Variants in EPM2A observed in about 807,000 individuals in gnomAD.
EPM2A encodes laforin.
Under a neutral mutation model 26.5 loss-of-function variants are expected in EPM2A, and 21 were observed. That is an observed-to-expected ratio of 0.79 (90% confidence interval 0.56 to 1.14). The LOEUF is 1.14. Among genes scored for constraint, EPM2A ranks in the 50% most tolerant of loss-of-function variants. The pLI, the probability that EPM2A is intolerant of heterozygous loss-of-function variation, is 0.00. For synonymous variants in EPM2A, 217 were observed against 177.6 expected (o/e 1.22, Z -1.76); for missense variants, 458 against 440.8 (o/e 1.04, Z -0.35).
At chr6:145,456,206 C>T (rs1779260224) in intron 4 of EPM2A, among the ~76,000 whole-genome samples, 1 of 152,040 alleles carries the variant, frequency 6.6e-6, no homozygotes, top group Admixed American at 6.5e-5. Flanking sequence ...TAGTAATGAC[C>T]TACTTATTGC....
chr6:145,413,565 C>T (rs1246017339), intron 4 of EPM2A, among the ~76,000 whole-genome samples: 3 of 152,134 alleles, frequency 2.0e-5, no homozygotes, highest in Non-Finnish European at 4.4e-5. Flanking sequence ...CCACCAAGAG[C>T]CCCTTCAGCA....
chr6:145,399,192 G>A (rs1411345408), intron 4 of EPM2A, among the ~76,000 whole-genome samples: 2 of 152,114 alleles, frequency 1.3e-5, no homozygotes, highest in Admixed American at 6.6e-5. Flanking sequence ...GTGACTCATG[G>A]TTTAATTTAG....
At chr6:145,718,546 G>A (rs2128636704) in intron 1 of EPM2A, among the ~76,000 whole-genome samples, 1 of 152,210 alleles carries the variant, frequency 6.6e-6, no homozygotes, top group South Asian at 2.1e-4. Context: ...TACCATTCAG[G>A]ACATAGGCAT....
At chr6:145,537,628 A>G (rs911102868) in intron 2 of EPM2A, among the ~76,000 whole-genome samples, 2 of 146,552 alleles carry the variant, frequency 1.4e-5, no homozygotes, top group African/African-American at 5.1e-5. Flanking sequence ...ATACATGTGT[A>G]GAATGTGCAT....
intron 2 of EPM2A, among the ~76,000 whole-genome samples, chr6:145,580,267 C>T (rs998330307): frequency 6.6e-6 from 1 of 151,964 alleles, no homozygotes; most frequent in Non-Finnish European, 1.5e-5. Context: ...TTTTCTTTTA[C>T]ACAAAACAAG....
At chr6:145,530,933 T>G (rs1325724252) in intron 2 of EPM2A, among the ~76,000 whole-genome samples, 1 of 152,144 alleles carries the variant, frequency 6.6e-6, no homozygotes, top group Non-Finnish European at 1.5e-5. Context: ...AGCTTGCTCT[T>G]GTAGCTCCTC....
intron 2 of EPM2A, among the ~76,000 whole-genome samples, chr6:145,602,077 A>C (rs1477441347): frequency 1.3e-5 from 2 of 152,084 alleles, no homozygotes; most frequent in East Asian, 3.9e-4. Flanking sequence ...CTTCATGGGA[A>C]TATATTATTT....
In EPM2A at chr6:145,627,118, A is replaced by C. The variant is rs1775866036; in HGVS notation, c.*298T>G. 1.5e-6 allele frequency: 2 copies of C among 1,304,046 alleles called. No individual in the cohort carries two copies. The highest frequency in any genetic ancestry group is 3.3e-5 in the Admixed American group (1 of 30,674). The allele number at this position is 1,304,046 out of a possible 1,614,324, so 80.8% of individuals were successfully genotyped here. Reference sequence around the variant, plus strand: ...GCAACACATACAGTGCTGTAAAGCAAAGGCCTCGTCTGCCTGCAGGCAGCA... The same window carrying C: ...GCAACACATACAGTGCTGTAAAGCACAGGCCTCGTCTGCCTGCAGGCAGCA... On this transcript the variant is annotated 3_prime_UTR_variant, in exon 4 of 4. Coordinates refer to ENST00000367519, the MANE Select transcript of EPM2A (RefSeq NM_005670.4).
intron 2 of EPM2A, among the ~76,000 whole-genome samples, chr6:145,548,682 C>A (rs528120424): frequency 6.6e-6 from 1 of 152,220 alleles, no homozygotes; most frequent in African/African-American, 2.4e-5. Context: ...CTCCTAAAAG[C>A]CTCTACCCTG....
In EPM2A at chr6:145,695,101, A is replaced by C. The variant is rs563986766; in HGVS notation, c.302-8805T>G. The stretch of plus-strand genomic sequence containing the variant: ...ACTATTAAAAACAACTGTGGCTTTG[A>C]TAAATTGTTAAGGGATACAAATTAC... On this transcript the variant is annotated intron_variant, in intron 1 of 3. Coordinates refer to ENST00000367519, the MANE Select transcript of EPM2A (RefSeq NM_005670.4). Among the ~76,000 whole-genome samples, 3 of 152,026 alleles carry C rather than the reference A, an allele frequency of 2.0e-5. No individual in the cohort carries two copies. In the South Asian group the frequency reaches 6.2e-4, roughly 31 times the overall value.
At chr6:145,664,591 T>A (rs1281346960) in intron 2 of EPM2A, among the ~76,000 whole-genome samples, 2 of 151,090 alleles carry the variant, frequency 1.3e-5, no homozygotes, top group Non-Finnish European at 3.0e-5. Flanking sequence ...ACTGTCAATA[T>A]TAGACAGATC....
At chr6:145,489,523 A>G in intron 4 of EPM2A, 1 of 614,614 alleles carries the variant, frequency 1.6e-6, no homozygotes. Flanking sequence ...ACAACAACAA[A>G]TAGCTTAACT....
chr6:145,408,953 C>T (rs1235629818), intron 4 of EPM2A, among the ~76,000 whole-genome samples: 2 of 152,066 alleles, frequency 1.3e-5, no homozygotes, highest in East Asian at 1.9e-4. Context: ...TCTTTGGGGT[C>T]TAGGTTTCAA....
intron 2 of EPM2A, among the ~76,000 whole-genome samples, chr6:145,662,890 T>C (rs998655087): frequency 3.3e-5 from 5 of 152,172 alleles, no homozygotes; most frequent in Non-Finnish European, 5.9e-5. Flanking sequence ...TTCAGGGACC[T>C]GACTAAAGTT....
At chr6:145,683,006 C>T (rs1461568411) in intron 2 of EPM2A, among the ~76,000 whole-genome samples, 1 of 152,096 alleles carries the variant, frequency 6.6e-6, no homozygotes, top group African/African-American at 2.4e-5. Flanking sequence ...GTCAGATGAA[C>T]ATAGCAAACA....
chr6:145,483,341 C>G (rs1779633163), intron 4 of EPM2A, among the ~76,000 whole-genome samples: 1 of 151,984 alleles, frequency 6.6e-6, no homozygotes, highest in Non-Finnish European at 1.5e-5. Context: ...GTTTAGTCAT[C>G]ATAAATGGAA....
At chr6:145,588,433 G>A (rs945299445) in intron 2 of EPM2A, among the ~76,000 whole-genome samples, 3 of 152,118 alleles carry the variant, frequency 2.0e-5, no homozygotes, top group Non-Finnish European at 4.4e-5. Context: ...AGTCATTTTT[G>A]AGAAATGTCC....
chr6:145,434,724 G>A (rs1291700932), intron 4 of EPM2A, among the ~76,000 whole-genome samples: 1 of 152,014 alleles, frequency 6.6e-6, no homozygotes, highest in African/African-American at 2.4e-5. Context: ...TAATGCCAGG[G>A]CGTTTCTATT....
intron 2 of EPM2A, among the ~76,000 whole-genome samples, chr6:145,520,339 T>A (rs959667527): frequency 6.6e-6 from 1 of 152,192 alleles, no homozygotes; most frequent in African/African-American, 2.4e-5. Flanking sequence ...TTCACCTCAT[T>A]TGCTTTCTTT....
Sources: allele counts gnomAD v4.1 joint callset (sites outside exome capture counted in the v4.1 genomes callset), GRCh38; gene constraint gnomAD v4.1.1; transcripts MANE v1.5; gene names NCBI Gene and HGNC (gene_info 2026-07-23, HGNC 2026-07-21).